MAPK10: variants seen among roughly 807,000 people sequenced by gnomAD.
MAPK10 encodes the protein JNK3 alpha protein kinase.
In MAPK10, 25 loss-of-function variants were observed where a neutral mutation model predicts 59.3. That is an observed-to-expected ratio of 0.42 (90% CI 0.31 to 0.59). The LOEUF (loss-of-function observed/expected upper bound fraction) is 0.59, where lower values mean the gene tolerates loss of function less well. Among genes scored for constraint, MAPK10 ranks in the 20% least tolerant of loss-of-function variants. MAPK10 has a pLI of 0.15. For missense variants in MAPK10, 351 were observed against 568.9 expected (o/e 0.62, Z 3.90); for synonymous variants, 190 against 200.5 (o/e 0.95, Z 0.44).
At chr4:86,201,756 T>A (rs2082664366) in intron 2 of MAPK10, among the ~76,000 whole-genome samples, 1 of 151,788 alleles carries the variant, frequency 6.6e-6, no homozygotes, top group South Asian at 2.1e-4. Flanking sequence ...TTTGTGCCTA[T>A]CCCCAGGTTC....
intron 1 of MAPK10, among the ~76,000 whole-genome samples, chr4:86,465,004 T>C (rs1335030021): frequency 6.6e-6 from 1 of 152,218 alleles, no homozygotes; most frequent in Non-Finnish European, 1.5e-5. Context: ...AGATACAGCA[T>C]TATCTGGAAA....
At chr4:86,362,580 G>A (rs2148985920), upstream of MAPK10, among the ~76,000 whole-genome samples, 1 of 152,090 alleles carries the variant, frequency 6.6e-6, no homozygotes, top group African/African-American at 2.4e-5. Context: ...TAGAAAACAT[G>A]TCCTACAATT....
At chr4:86,398,999 G>T (rs1743334099) in intron 1 of MAPK10, among the ~76,000 whole-genome samples, 1 of 152,080 alleles carries the variant, frequency 6.6e-6, no homozygotes, top group South Asian at 2.1e-4. Flanking sequence ...TCATTATCCA[G>T]TCCACCGATG....
At chr4:86,521,008 G>A (rs1323464533) in intron 1 of MAPK10, among the ~76,000 whole-genome samples, 2 of 152,232 alleles carry the variant, frequency 1.3e-5, no homozygotes, top group Admixed American at 6.5e-5. Context: ...CCGGTCTGGT[G>A]GAGGTGGCAA....
At chr4:86,308,719 A>G (rs1156792580) in intron 2 of MAPK10, 1 of 152,222 alleles carries the variant, frequency 6.6e-6, no homozygotes, top group Non-Finnish European at 1.5e-5. Flanking sequence ...TGATGCATCT[A>G]TTCTGCTGAC....
intron 4 of MAPK10, among the ~76,000 whole-genome samples, chr4:86,143,098 A>G (rs955889240): frequency 2.0e-5 from 3 of 152,146 alleles, no homozygotes; most frequent in Non-Finnish European, 2.9e-5. Context: ...GGCAAAGGAG[A>G]AGCAGGCACA....
chr4:86,467,459 T>C (rs1376507897), intron 1 of MAPK10, among the ~76,000 whole-genome samples: 2 of 152,198 alleles, frequency 1.3e-5, no homozygotes, highest in Non-Finnish European at 2.9e-5. Context: ...AATCAGGTGA[T>C]GTATAGAGAC....
chr4:86,532,895 T>C (rs1157080514), intron 1 of MAPK10, among the ~76,000 whole-genome samples: 1 of 152,232 alleles, frequency 6.6e-6, no homozygotes, highest in Admixed American at 6.5e-5. Context: ...TCTCCAGCTC[T>C]ACCTCTAGCA....
At chr4:86,235,448 C>T (rs1436893607) in intron 2 of MAPK10, among the ~76,000 whole-genome samples, 1 of 152,150 alleles carries the variant, frequency 6.6e-6, no homozygotes, top group Non-Finnish European at 1.5e-5. Flanking sequence ...GGTGTGCTCA[C>T]CTTGTGAAAA....
At chr4:86,372,326 A>C (rs1738891400) in intron 1 of MAPK10, among the ~76,000 whole-genome samples, 1 of 151,918 alleles carries the variant, frequency 6.6e-6, no homozygotes, top group African/African-American at 2.4e-5. Flanking sequence ...AGACCATCTT[A>C]GTCAACATGG....
intron 1 of MAPK10, among the ~76,000 whole-genome samples, chr4:86,549,819 T>C (rs1419952598): frequency 6.6e-6 from 1 of 152,062 alleles, no homozygotes; most frequent in African/African-American, 2.4e-5. Context: ...TACTCCAGCC[T>C]GGGTGACAGC....
At chr4:86,305,624 G>A (rs1238143311) in intron 2 of MAPK10, among the ~76,000 whole-genome samples, 2 of 152,094 alleles carry the variant, frequency 1.3e-5, no homozygotes, top group African/African-American at 4.8e-5. Context: ...TTCAAGACCA[G>A]CATGGCCAAC....
At chr4:86,167,264 T>G (rs914998537) in intron 3 of MAPK10, among the ~76,000 whole-genome samples, 1 of 152,112 alleles carries the variant, frequency 6.6e-6, no homozygotes, top group African/African-American at 2.4e-5. Flanking sequence ...ACCAGACAGA[T>G]TCACAGCTGA....
At chr4:86,525,825 T>A (rs750780264) in intron 1 of MAPK10, among the ~76,000 whole-genome samples, 13 of 152,216 alleles carry the variant, frequency 8.5e-5, no homozygotes, top group Non-Finnish European at 1.9e-4. Context: ...AATAGCTGTT[T>A]CAAAGTTTCA....
At chr4:86,180,055 A>G (rs998804786) in intron 3 of MAPK10, among the ~76,000 whole-genome samples, 2 of 152,102 alleles carry the variant, frequency 1.3e-5, no homozygotes, top group Non-Finnish European at 2.9e-5. Context: ...CAACCCAAAG[A>G]ATGGGAGAAA....
intron 13 of MAPK10, chr4:86,026,700 T>C (rs1750427014): frequency 6.6e-6 from 1 of 152,276 alleles, no homozygotes; most frequent in South Asian, 2.1e-4. Context: ...GTTATAAAAA[T>C]ACCACAGCTA....
At chr4:86,403,569 T>A (rs1295456435) in intron 1 of MAPK10, among the ~76,000 whole-genome samples, 2 of 151,996 alleles carry the variant, frequency 1.3e-5, no homozygotes, top group African/African-American at 2.4e-5. Context: ...GGGTAATTTA[T>A]AAAGGAAAGA....
At chr4:86,158,687 C>T (rs2068597829) in intron 4 of MAPK10, among the ~76,000 whole-genome samples, 2 of 151,736 alleles carry the variant, frequency 1.3e-5, no homozygotes, top group Non-Finnish European at 2.9e-5. Context: ...AACCTGATAT[C>T]ATGAATTTTG....
intron 1 of MAPK10, among the ~76,000 whole-genome samples, chr4:86,518,374 T>C (rs1756860370): frequency 6.6e-6 from 1 of 152,222 alleles, no homozygotes; most frequent in Non-Finnish European, 1.5e-5. Context: ...TTTATCCATT[T>C]CCTCTAGGTT....
Sources: allele counts gnomAD v4.1 joint callset (sites outside exome capture counted in the v4.1 genomes callset), GRCh38; gene constraint gnomAD v4.1.1; transcripts MANE v1.5; gene names NCBI Gene and HGNC (gene_info 2026-07-23, HGNC 2026-07-21).